The following ALCAM variants were observed in gnomAD, a reference collection of about 807,000 sequenced individuals.
The protein encoded by ALCAM is activated leukocyte cell adhesion molecule.
Under a neutral mutation model 70.9 loss-of-function variants are expected in ALCAM, and 30 were observed. That is an observed-to-expected ratio of 0.42 (90% CI 0.32 to 0.57). ALCAM has a LOEUF of 0.57. Among genes scored for constraint, ALCAM ranks in the 20% least tolerant of loss-of-function variants. ALCAM has a pLI of 0.11. For missense variants in ALCAM, 591 were observed against 695.1 expected, an observed-to-expected ratio of 0.85 and a Z score of 1.68; for synonymous variants, 249 against 242.5, an observed-to-expected ratio of 1.03 and a Z score of -0.25.
At chr3:105,381,545 G>T (rs1418953715) in intron 1 of ALCAM, among the ~76,000 whole-genome samples, 1 of 151,874 alleles carries the variant, frequency 6.6e-6, no homozygotes, top group Non-Finnish European at 1.5e-5. Context: ...AAACATCATT[G>T]CATTGCAATC....
chr3:105,467,299 C>A (rs1937771086), intron 1 of ALCAM, among the ~76,000 whole-genome samples: 1 of 151,022 alleles, frequency 6.6e-6, no homozygotes, highest in East Asian at 1.9e-4. Context: ...TTCAGAATGT[C>A]AGCCTACAAA....
In ALCAM at chr3:105,416,914, T is replaced by A. The variant is rs1278882755; in HGVS notation, c.73+49433T>A. Among the ~76,000 whole-genome samples the A allele has an allele frequency of 3.9e-5, 6 of 152,024 alleles. No individual in the cohort carries two copies. The East Asian group carries it at 1.2e-3, about 29-fold the overall frequency. On this transcript the variant is annotated intron_variant, in intron 1 of 15. Transcript: ENST00000306107. ...TAGAGCTGGAGAGAATTTTGGAATA[T>A]TTAAGTCTGATCATGTTACCTCTTA...
At chr3:105,471,941 A>T (rs1373101738) in intron 1 of ALCAM, among the ~76,000 whole-genome samples, 1 of 151,164 alleles carries the variant, frequency 6.6e-6, no homozygotes, top group Non-Finnish European at 1.5e-5. Context: ...CATCTTCCCA[A>T]CCTTCTCTCC....
intron 14 of ALCAM, among the ~76,000 whole-genome samples, chr3:105,563,979 G>T (rs1940689437): frequency 6.6e-6 from 1 of 151,912 alleles, no homozygotes; most frequent in Non-Finnish European, 1.5e-5. Flanking sequence ...GAGCCACCGC[G>T]CCCGGCCCAT....
rs770380290 is a variant in ALCAM at position 105,540,069 on chromosome 3, C to T, written c.825C>T (p.Asn275=). The T allele has an allele frequency of 2.9e-5, 47 of 1,612,002 alleles. No individual in the cohort carries two copies. The East Asian group carries it at 1.0e-3, about 34-fold the overall frequency. Residue 275 remains asparagine, a synonymous_variant, in exon 7 of 16, where the codon AAC becomes AAT. Coordinates refer to ENST00000306107, the MANE Select transcript of ALCAM (RefSeq NM_001627.4). The part of the protein sequence containing the change: ...NITLKCLGNG[N]PPPEEFLFYL... Reference sequence around the variant, plus strand: ...CTCTTAAATGCTTAGGGAATGGCAACCCTCCCCCAGAGGAATTTTTGTTTT... The same window carrying T: ...CTCTTAAATGCTTAGGGAATGGCAATCCTCCCCCAGAGGAATTTTTGTTTT...
At chr3:105,561,489 A>G (rs1459938481) in intron 14 of ALCAM, among the ~76,000 whole-genome samples, 1 of 152,132 alleles carries the variant, frequency 6.6e-6, no homozygotes, top group African/African-American at 2.4e-5. Context: ...AGTTACCATT[A>G]TGTACGATGT....
rs190212969 is a variant in ALCAM, at chr3:105,408,893, G to A, written c.73+41412G>A. 2.9e-4 allele frequency among the ~76,000 whole-genome samples: 44 copies of A among 152,134 alleles called. No individual in the cohort carries two copies. In the East Asian group the frequency reaches 3.7e-3, roughly 13 times the overall value. Reference sequence around the variant, plus strand: ...CCATCAAAAAGCGGGCTAAGGAGATGAATAGATAATTCTCAAAAGAAGATG... The same window carrying A: ...CCATCAAAAAGCGGGCTAAGGAGATAAATAGATAATTCTCAAAAGAAGATG... On this transcript the variant is annotated intron_variant, in intron 1 of 15. Coordinates refer to ENST00000306107, the MANE Select transcript of ALCAM (RefSeq NM_001627.4).
intron 1 of ALCAM, among the ~76,000 whole-genome samples, chr3:105,398,266 A>G (rs1359927698): frequency 1.3e-5 from 2 of 152,080 alleles, no homozygotes; most frequent in African/African-American, 4.8e-5. Context: ...GTGCTGACCC[A>G]TGCATGCCCA....
intron 14 of ALCAM, among the ~76,000 whole-genome samples, chr3:105,562,464 C>G (rs1460799404): frequency 6.6e-6 from 1 of 152,116 alleles, no homozygotes; most frequent in Non-Finnish European, 1.5e-5. Context: ...GTAAGCCAGT[C>G]TTGCATTCTT....
intron 1 of ALCAM, among the ~76,000 whole-genome samples, chr3:105,458,645 T>G (rs1201755821): frequency 6.6e-6 from 1 of 152,182 alleles, no homozygotes; most frequent in Admixed American, 6.5e-5. Flanking sequence ...AAAAATATGA[T>G]GTACCTCATG....
At chr3:105,537,880 G>A (rs1559826212) in intron 6 of ALCAM, among the ~76,000 whole-genome samples, 3 of 152,056 alleles carry the variant, frequency 2.0e-5, no homozygotes, top group Admixed American at 6.6e-5. Context: ...CCAAACAAAT[G>A]AATAAATGAA....
chr3:105,563,628 A>G (rs932217496), intron 14 of ALCAM, among the ~76,000 whole-genome samples: 1 of 145,788 alleles, frequency 6.9e-6, no homozygotes, highest in Non-Finnish European at 1.5e-5. Flanking sequence ...TTCTTCCTTG[A>G]AGTCAAGTGA....
chr3:105,523,717 T>C (rs1939615068), intron 2 of ALCAM, among the ~76,000 whole-genome samples: 1 of 152,236 alleles, frequency 6.6e-6, no homozygotes, highest in African/African-American at 2.4e-5. Context: ...TTGTATTAGT[T>C]AATCTGACTC....
At chr3:105,412,094 T>C (rs187272706) in intron 1 of ALCAM, among the ~76,000 whole-genome samples, 3 of 152,092 alleles carry the variant, frequency 2.0e-5, no homozygotes, top group Non-Finnish European at 2.9e-5. Context: ...AGCATCAGGA[T>C]AAAATGCTAT....
chr3:105,536,364 G>A (rs974507475), intron 6 of ALCAM, among the ~76,000 whole-genome samples: 1 of 152,104 alleles, frequency 6.6e-6, no homozygotes, highest in Non-Finnish European at 1.5e-5. Context: ...AAAGTACTGG[G>A]ATTACAGGTG....
chr3:105,565,001 G>A (rs1325066988), intron 14 of ALCAM, among the ~76,000 whole-genome samples: 3 of 152,030 alleles, frequency 2.0e-5, no homozygotes, highest in Non-Finnish European at 2.9e-5. Context: ...CTGCACTCCA[G>A]CCCGGGCAAC....
At chr3:105,566,512 T>C (rs1334872667) in intron 14 of ALCAM, among the ~76,000 whole-genome samples, 1 of 152,178 alleles carries the variant, frequency 6.6e-6, no homozygotes, top group Non-Finnish European at 1.5e-5. Context: ...AGGAATCTTC[T>C]GTCCTTCCAT....
intron 7 of ALCAM, 91 bp from the exon 8 acceptor site, chr3:105,541,542 A>T: frequency 1.5e-6 from 2 of 1,345,872 alleles, no homozygotes; most frequent in South Asian, 2.9e-5. Context: ...TTTTTATCTT[A>T]CTTGATAAAA....
At chr3:105,426,570 A>G (rs1365530410) in intron 1 of ALCAM, among the ~76,000 whole-genome samples, 6 of 151,920 alleles carry the variant, frequency 3.9e-5, no homozygotes, top group Non-Finnish European at 8.8e-5. Context: ...ATATCATAGT[A>G]GTCATCCTGC....
Sources: allele counts gnomAD v4.1 joint callset (sites outside exome capture counted in the v4.1 genomes callset), GRCh38; gene constraint gnomAD v4.1.1; transcripts MANE v1.5; gene names NCBI Gene and HGNC (gene_info 2026-07-23, HGNC 2026-07-21).